PRRG1: variants seen among roughly 807,000 people sequenced by gnomAD.
PRRG1 encodes transmembrane gamma-carboxyglutamic acid protein 1.
In PRRG1, 5 loss-of-function variants were observed where a neutral mutation model predicts 11.8. That is an observed-to-expected ratio of 0.42 (90% CI 0.22 to 0.89). The LOEUF is 0.89. Among genes scored for constraint, PRRG1 ranks in the 40% least tolerant of loss-of-function variants. PRRG1 has a pLI of 0.28. For synonymous variants in PRRG1, 66 were observed against 60.4 expected (o/e 1.09, Z -0.43); for missense variants, 155 against 166.1 (o/e 0.93, Z 0.37).
chrX:37,377,085 G>T (rs1187163859), intron 1 of PRRG1, among the ~76,000 whole-genome samples: 1 of 110,917 alleles, frequency 9.0e-6, no homozygotes, highest in Non-Finnish European at 1.9e-5. Context: ...GAAATAAGAT[G>T]ATTAAATAAA....
chrX:37,394,237 A>G (rs1931641417), intron 1 of PRRG1, among the ~76,000 whole-genome samples: 1 of 112,052 alleles, frequency 8.9e-6, no homozygotes, highest in Admixed American at 9.5e-5. Context: ...TGCAGAGGTG[A>G]AACTCCCAGA....
At chrX:37,397,528 T>C (rs1394851274) in intron 1 of PRRG1, among the ~76,000 whole-genome samples, 1 of 112,388 alleles carries the variant, frequency 8.9e-6, no homozygotes, top group African/African-American at 3.2e-5. Context: ...TGATAGACAC[T>C]ATAAGATATG....
intron 1 of PRRG1, among the ~76,000 whole-genome samples, chrX:37,357,908 T>C (rs1930291382): frequency 8.9e-6 from 1 of 112,253 alleles, no homozygotes; most frequent in Non-Finnish European, 1.9e-5. Context: ...TTGCCAGCAT[T>C]TGGTGTTGTC....
intron 1 of PRRG1, among the ~76,000 whole-genome samples, chrX:37,383,137 A>G (rs1179380148): frequency 8.9e-6 from 1 of 112,147 alleles, no homozygotes; most frequent in Non-Finnish European, 1.9e-5. Context: ...AGGAAAAGAT[A>G]CTAGTTTGCA....
At chrX:37,406,341 A>G (rs192205674) in intron 2 of PRRG1, 82 bp downstream of exon 2, 64 of 972,773 alleles carry the variant, frequency 6.6e-5, no homozygotes, top group South Asian at 3.5e-4. Flanking sequence ...AACTCATAGT[A>G]TATTTGTGGA....
intron 3 of PRRG1, among the ~76,000 whole-genome samples, chrX:37,437,102 C>T (rs782009275): frequency 8.9e-6 from 1 of 112,358 alleles, no homozygotes; most frequent in African/African-American, 3.2e-5. Flanking sequence ...TTATATGATT[C>T]ATTTAAAGTA....
intron 1 of PRRG1, among the ~76,000 whole-genome samples, chrX:37,352,813 G>A (rs782185200): frequency 9.9e-5 from 11 of 111,393 alleles, no homozygotes; most frequent in Non-Finnish European, 1.9e-4. Flanking sequence ...GTGATGTGAC[G>A]CATAATGACA....
chrX:37,363,520 AT>A (rs1318073513), intron 1 of PRRG1, among the ~76,000 whole-genome samples: 1 of 111,921 alleles, frequency 8.9e-6, no homozygotes, highest in Non-Finnish European at 1.9e-5. Flanking sequence ...GCTAAAAAAT[AT>A]TTGTTGAATT....
At chrX:37,421,279 CGAATCT>C (rs1556386995) in intron 2 of PRRG1, among the ~76,000 whole-genome samples, 1 of 111,095 alleles carries the variant, frequency 9.0e-6, no homozygotes, top group Admixed American at 9.6e-5. Flanking sequence ...ATTTCCTAAC[CGAATCT>C]GAAGAAAAAA....
At chrX:37,396,564 C>T (rs1931720667) in intron 1 of PRRG1, among the ~76,000 whole-genome samples, 1 of 111,334 alleles carries the variant, frequency 9.0e-6, no homozygotes, top group Non-Finnish European at 1.9e-5. Flanking sequence ...GTGACTTGCT[C>T]CTCCTTGCCT....
intron 3 of PRRG1, among the ~76,000 whole-genome samples, chrX:37,430,861 C>A (rs782586105): frequency 1.8e-4 from 20 of 111,594 alleles, no homozygotes; most frequent in Non-Finnish European, 3.4e-4. Context: ...TATTTCATTA[C>A]CACAAAGTTT....
chrX:37,443,389 A>C (rs1556394430), intron 3 of PRRG1, among the ~76,000 whole-genome samples: 1 of 111,795 alleles, frequency 8.9e-6, no homozygotes, highest in African/African-American at 3.3e-5. Context: ...AACGTGAATC[A>C]AGTAGATGGA....
At chrX:37,405,159 T>G (rs1436432580) in intron 1 of PRRG1, among the ~76,000 whole-genome samples, 1 of 112,043 alleles carries the variant, frequency 8.9e-6, no homozygotes, top group Non-Finnish European at 1.9e-5. Flanking sequence ...CTGGTACTAG[T>G]TTCTGCCCTA....
intron 1 of PRRG1, among the ~76,000 whole-genome samples, chrX:37,389,355 A>T (rs371580904): frequency 2.5e-4 from 28 of 111,909 alleles, no homozygotes; most frequent in African/African-American, 8.8e-4. Flanking sequence ...TTTCTTTATT[A>T]ATTCATTCTT....
chrX:37,404,472 G>A (rs1932127943), intron 1 of PRRG1, among the ~76,000 whole-genome samples: 1 of 111,630 alleles, frequency 9.0e-6, no homozygotes, highest in Non-Finnish European at 1.9e-5. Flanking sequence ...GGAAGGGTGA[G>A]CACCTTCCTG....
intron 2 of PRRG1, among the ~76,000 whole-genome samples, chrX:37,409,594 CAA>C (rs1430470733): frequency 1.8e-5 from 2 of 112,295 alleles, no homozygotes; most frequent in Non-Finnish European, 3.8e-5. Flanking sequence ...TCCTGAATCT[CAA>C]AGAGACTCTA....
At chrX:37,423,964 C>A (rs897527236) in intron 2 of PRRG1, among the ~76,000 whole-genome samples, 3 of 111,263 alleles carry the variant, frequency 2.7e-5, no homozygotes, top group Non-Finnish European at 5.7e-5. Flanking sequence ...CTATAGTATT[C>A]AGTATAGTAA....
chrX:37,373,730 A>G (rs1425515223), intron 1 of PRRG1, among the ~76,000 whole-genome samples: 1 of 111,751 alleles, frequency 8.9e-6, no homozygotes, highest in African/African-American at 3.2e-5. Context: ...TATAAGACCA[A>G]TAGTTTAACT....
rs142169089 is a variant in PRRG1 at position 37,352,477 on chromosome X, C to T, written c.-42+3082C>T. Among the ~76,000 whole-genome samples the T allele has an allele frequency of 1.2e-3, 130 of 111,620 alleles. 1 individual carries two copies. The highest frequency in any genetic ancestry group is 4.2e-3 in the South Asian group (11 of 2,639). Reference sequence around the variant, plus strand: ...TTTAAAGTTCTACATCATCTGTGGACCTACTGACTGAAAAAATATTCCAAA... The same window carrying T: ...TTTAAAGTTCTACATCATCTGTGGATCTACTGACTGAAAAAATATTCCAAA... On this transcript the variant is annotated intron_variant, in intron 1 of 3. Transcript: ENST00000378628.
Sources: allele counts gnomAD v4.1 joint callset (sites outside exome capture counted in the v4.1 genomes callset), GRCh38; gene constraint gnomAD v4.1.1; transcripts MANE v1.5; gene names NCBI Gene and HGNC (gene_info 2026-07-23, HGNC 2026-07-21).